Variants in KCNJ12 observed in about 807,000 individuals in gnomAD.
KCNJ12 encodes ATP-sensitive inward rectifier potassium channel 12.
KCNJ12 carries 2 observed loss-of-function variants against 22.3 expected under a neutral mutation model. That is an observed-to-expected ratio of 0.09 (90% CI 0.04 to 0.28). The LOEUF is 0.28. Among genes scored for constraint, KCNJ12 ranks in the 10% least tolerant of loss-of-function variants. The pLI is 1.00. For missense variants in KCNJ12, 155 were observed against 633.3 expected (o/e 0.24, Z 8.11); for synonymous variants, 117 against 261.4 (o/e 0.45, Z 5.33).
At position 21,419,535 on chromosome 17, in the gene KCNJ12, G is replaced by A. The variant is rs73313962; in HGVS notation, c.*2891G>A. ...GGAGGTGAGCGTGTGCGTCCGGCTC[G>A]TGTGTAGGAGGCTGTGTGTGTGCCC... On this transcript the variant is annotated 3_prime_UTR_variant, in exon 3 of 3. Transcript: ENST00000583088. 3.6e-5 allele frequency: 6 copies of A among 167,260 alleles called. No individual in the cohort carries two copies. The highest frequency in any genetic ancestry group is 7.2e-5 in the African/African-American group (3 of 41,436). The allele number at this position is 167,260 out of a possible 1,614,324, so 10.4% of individuals were successfully genotyped here.
chr17:21,382,749 C>T (rs782733663), intron 1 of KCNJ12, among the ~76,000 whole-genome samples: 3 of 152,082 alleles, frequency 2.0e-5, no homozygotes, highest in South Asian at 2.1e-4. Context: ...CAGGTGTGCC[C>T]GGTTGGCCAG....
At chr17:21,406,659 G>A (rs1905957085) in intron 1 of KCNJ12, among the ~76,000 whole-genome samples, 1 of 152,308 alleles carries the variant, frequency 6.6e-6, no homozygotes, top group Non-Finnish European at 1.5e-5. Flanking sequence ...CACAGCTTAT[G>A]AGGGGCAGAG....
In KCNJ12 at chr17:21,415,750, C is replaced by T. The variant is rs781875412; in HGVS notation, c.408C>T (p.Phe136=). The T allele has an allele frequency of 1.2e-6, 2 of 1,612,544 alleles. No individual in the cohort carries two copies. The highest frequency in any genetic ancestry group is 1.1e-5 in the South Asian group (1 of 90,880). ...QVHGFMAAFL[F]SIETQTTIGY... ...ACGGCTTCATGGCGGCCTTCCTCTTCTCCATCGAGACGCAGACCACCATCG... is the reference window on the plus strand; with the variant it reads ...ACGGCTTCATGGCGGCCTTCCTCTTTTCCATCGAGACGCAGACCACCATCG... The change falls in exon 3 of 3, where the codon TTC becomes TTT. Residue 136 remains phenylalanine, a synonymous_variant. Transcript: ENST00000583088.
At chr17:21,400,423 A>G (rs1200675590) in intron 1 of KCNJ12, among the ~76,000 whole-genome samples, 3 of 152,306 alleles carry the variant, frequency 2.0e-5, no homozygotes, top group Non-Finnish European at 4.4e-5. Context: ...TGTAGCCGGA[A>G]TCTCCTGTGT....
At chr17:21,400,257 A>G (rs1484200494) in intron 1 of KCNJ12, among the ~76,000 whole-genome samples, 2 of 150,962 alleles carry the variant, frequency 1.3e-5, no homozygotes, top group African/African-American at 2.4e-5. Flanking sequence ...GGCCTGCCCC[A>G]CCCTGTCCCC....
At chr17:21,384,908 G>A (rs1355514727) in intron 1 of KCNJ12, among the ~76,000 whole-genome samples, 21 of 151,850 alleles carry the variant, frequency 1.4e-4, no homozygotes, top group African/African-American at 5.1e-4. Context: ...GAGTAGCTGG[G>A]ACTATAGGCA....
intron 1 of KCNJ12, among the ~76,000 whole-genome samples, chr17:21,406,962 C>T: frequency 6.6e-6 from 1 of 152,292 alleles, no homozygotes; most frequent in Non-Finnish European, 1.5e-5. Flanking sequence ...AGGGGGATCC[C>T]TTTGACAGGT....
intron 1 of KCNJ12, among the ~76,000 whole-genome samples, chr17:21,397,370 C>T (rs1260527510): frequency 1.3e-5 from 2 of 152,372 alleles, no homozygotes; most frequent in Admixed American, 6.5e-5. Context: ...TGCCTGAGAT[C>T]GCTGCCGTGT....
At chr17:21,406,529 G>A (rs1173797978) in intron 1 of KCNJ12, among the ~76,000 whole-genome samples, 1 of 152,306 alleles carries the variant, frequency 6.6e-6, no homozygotes, top group Non-Finnish European at 1.5e-5. Flanking sequence ...GGATGGGGAA[G>A]AAGGGGCTGG....
intron 1 of KCNJ12, among the ~76,000 whole-genome samples, chr17:21,382,199 C>T (rs1904891751): frequency 6.6e-6 from 1 of 152,224 alleles, no homozygotes; most frequent in African/African-American, 2.4e-5. Context: ...CCTGTTGTGT[C>T]CTCTAGCACT....
Position 21,417,113 on chromosome 17 carries a change from T to TG in KCNJ12, c.*469_*470insG. 1.2e-4 allele frequency: 1 copy of TG among 8,004 alleles called. No homozygotes were observed. Among genetic ancestry groups the TG allele is most frequent in the East Asian group, 7.8e-3 (1 of 128 alleles). 0.5% of individuals were successfully genotyped at this position (8,004 alleles called of 1,614,324 possible). A position where few individuals can be genotyped will look rare whatever the true frequency, so the allele number is the denominator to read the frequency against. ...AAAAATTACCATGCAATTGAAAAAA[T>TG]TTTTTTTTAATTCACAGGGGGCAAA... On this transcript the variant is annotated 3_prime_UTR_variant, in exon 3 of 3. Transcript: ENST00000583088.
chr17:21,414,612 G>A (rs1255470801), intron 2 of KCNJ12, among the ~76,000 whole-genome samples: 18 of 152,294 alleles, frequency 1.2e-4, no homozygotes, highest in African/African-American at 3.9e-4. Context: ...CTTAGAAGGG[G>A]CAGTGCTGTG....
intron 1 of KCNJ12, among the ~76,000 whole-genome samples, chr17:21,393,914 G>A (rs1567699015): frequency 6.6e-6 from 1 of 152,210 alleles, no homozygotes; most frequent in Non-Finnish European, 1.5e-5. Flanking sequence ...GTCTAAGTTT[G>A]GGGCCAAGGG....
rs568839727 is a variant in KCNJ12 at position 21,388,329 on chromosome 17, C to T, written c.-179+11416C>T. Among the ~76,000 whole-genome samples, 6 of 152,284 alleles carry T rather than the reference C, an allele frequency of 3.9e-5. No homozygotes were observed. In the East Asian group the frequency reaches 7.8e-4, roughly 20 times the overall value. On this transcript the variant is annotated intron_variant, in intron 1 of 2. Transcript: ENST00000583088. ...TGGGAGGACCTGCCATACCCCATCC[C>T]GTGCCAGCGTTCTTGCCTGCGCGTG...
intron 1 of KCNJ12, among the ~76,000 whole-genome samples, chr17:21,393,970 C>T (rs186315342): frequency 1.6e-3 from 241 of 152,314 alleles, no homozygotes; most frequent in Admixed American, 4.2e-3. Flanking sequence ...CTCTTATGCC[C>T]CACCCATAGG....
chr17:21,405,312 G>A (rs1486869264), intron 1 of KCNJ12: 9 of 152,262 alleles, frequency 5.9e-5, no homozygotes, highest in African/African-American at 2.2e-4. Context: ...GCTTACCCTT[G>A]TGACAGTCTC....
rs868931074 is a variant in KCNJ12, at chr17:21,392,633, G to A, written c.-179+15720G>A. 3.9e-5 allele frequency among the ~76,000 whole-genome samples: 6 copies of A among 152,256 alleles called. No homozygotes were observed. The South Asian group carries it at 1.0e-3, about 26-fold the overall frequency. On this transcript the variant is annotated intron_variant, in intron 1 of 2. Coordinates refer to ENST00000583088, the MANE Select transcript of KCNJ12 (RefSeq NM_021012.5). ...CTGGGAGTGTTGGTTCTGTAGTGGG[G>A]GGATTTCATGGACCCCCATCCTCCT... is the stretch of plus-strand genomic sequence containing the variant.
intron 2 of KCNJ12, among the ~76,000 whole-genome samples, chr17:21,412,289 C>T (rs1320249): frequency 2.0e-4 from 29 of 147,094 alleles, no homozygotes; most frequent in Non-Finnish European, 3.8e-4. Flanking sequence ...GGCAGGTCTG[C>T]GGTGCCCAGC....
At chr17:21,408,024 C>CCAT (rs1906082227) in intron 1 of KCNJ12, among the ~76,000 whole-genome samples, 1 of 13,524 alleles carries the variant, frequency 7.4e-5, no homozygotes, top group South Asian at 1.8e-3. Context: ...CATCCATCCA[C>CCAT]CCATTCATTC....
Sources: gnomAD v4.1 joint callset for allele counts (sites outside exome capture counted in the v4.1 genomes callset) on GRCh38, gnomAD v4.1.1 for gene constraint, MANE v1.5 for transcripts, NCBI Gene and HGNC (gene_info 2026-07-23, HGNC 2026-07-21) for gene names.